Variants in IL10RB observed in about 807,000 individuals in gnomAD.
The protein encoded by IL10RB is interleukin-10 receptor subunit beta.
IL10RB carries 30 observed loss-of-function variants against 38.7 expected under a neutral mutation model. The observed-to-expected ratio is 0.78, with a 90% CI of 0.58 to 1.05. The LOEUF is 1.05. Ranked by LOEUF, IL10RB falls within the 50% of genes least tolerant of loss-of-function variation. The pLI is 0.00. For synonymous variants in IL10RB, 142 were observed against 145.9 expected (o/e 0.97, Z 0.19); for missense variants, 328 against 397.1 (o/e 0.83, Z 1.48).
rs1353340156 is a variant in IL10RB at position 33,296,714 on chromosome 21, G to A, written c.*357G>A. On this transcript the variant is annotated 3_prime_UTR_variant, in exon 7 of 7. Coordinates refer to ENST00000290200, the MANE Select transcript of IL10RB (RefSeq NM_000628.5). ...CTGTAATACCAGCACCTTAGAGGTC[G>A]AGGCAGGCGGATCACTTGAGGTCAG... 21 of 383,386 alleles carry A rather than the reference G, an allele frequency of 5.5e-5. No individual in the cohort carries two copies. Among genetic ancestry groups the A allele is most frequent in the Middle Eastern group, 8.8e-4 (1 of 1,142 alleles). 23.7% of individuals were successfully genotyped at this position (383,386 alleles called of 1,614,324 possible).
chr21:33,268,418 A>T lies in IL10RB; in HGVS notation c.74A>T (p.Glu25Val). The T allele has an allele frequency of 6.2e-7, 1 of 1,614,098 alleles. No homozygotes were observed. Among genetic ancestry groups the T allele is most frequent in the Non-Finnish European group, 8.5e-7 (1 of 1,179,884 alleles). Residue 25 changes from glutamate (E) to valine (V), a missense_variant, in exon 2 of 7, where the codon GAA (glutamate) becomes GTA (valine). Coordinates refer to ENST00000290200, the MANE Select transcript of IL10RB (RefSeq NM_000628.5). Reference sequence around the variant, plus strand: ...GCATTGGGAATGGTACCACCTCCCGAAAATGTCAGAATGAATTCTGTTAAT... The same window carrying T: ...GCATTGGGAATGGTACCACCTCCCGTAAATGTCAGAATGAATTCTGTTAAT... ...VSALGMVPPP[E>V]NVRMNSVNFK...
rs1316731866 is a variant in IL10RB at position 33,296,515 on chromosome 21, A to G, written c.*158A>G. The G allele has an allele frequency of 2.6e-6, 2 of 755,416 alleles. No homozygotes were observed. Among genetic ancestry groups the G allele is most frequent in the South Asian group, 1.5e-5 (1 of 68,330 alleles). 46.8% of individuals were successfully genotyped at this position (755,416 alleles called of 1,614,324 possible). ...CTGGACTTAGCCACCAGAGAGCTAC[A>G]TTTTAAAGGCTGTCTTGGCAAAAAT... On this transcript the variant is annotated 3_prime_UTR_variant, in exon 7 of 7. Coordinates refer to ENST00000290200, the MANE Select transcript of IL10RB (RefSeq NM_000628.5).
At chr21:33,303,669 A>T (rs1568915392) in intron 1 of IL10RB, among the ~76,000 whole-genome samples, 1 of 152,094 alleles carries the variant, frequency 6.6e-6, no homozygotes, top group Non-Finnish European at 1.5e-5. Flanking sequence ...TTATTGCTTC[A>T]ATTAGCCACT....
At chr21:33,290,310 T>G (rs888302767) in intron 6 of IL10RB, among the ~76,000 whole-genome samples, 3 of 151,400 alleles carry the variant, frequency 2.0e-5, no homozygotes, top group Non-Finnish European at 4.4e-5. Context: ...ATTTTAAAAT[T>G]TATATATATA....
At chr21:33,281,245 A>G (rs1989274548) in intron 4 of IL10RB, among the ~76,000 whole-genome samples, 2 of 152,226 alleles carry the variant, frequency 1.3e-5, no homozygotes, top group African/African-American at 4.8e-5. Flanking sequence ...TCTGATACTC[A>G]CAATCACTGA....
intron 6 of IL10RB, among the ~76,000 whole-genome samples, chr21:33,295,749 A>G (rs929809320): frequency 1.3e-5 from 2 of 151,772 alleles, no homozygotes; most frequent in African/African-American, 4.8e-5. Flanking sequence ...AAAAATAAAT[A>G]ATAAATCAAA....
At chr21:33,306,294 C>T (rs1343707833) in intron 1 of IL10RB, among the ~76,000 whole-genome samples, 2 of 152,192 alleles carry the variant, frequency 1.3e-5, no homozygotes, top group Admixed American at 6.5e-5. Flanking sequence ...AGATCCACAA[C>T]ATTGACATTT....
chr21:33,284,401 G>A lies in IL10RB; in HGVS notation c.646+1160G>A, dbSNP rs185524625. Among the ~76,000 whole-genome samples the A allele has an allele frequency of 1.1e-4, 17 of 152,078 alleles. No individual in the cohort carries two copies. The East Asian group carries it at 2.7e-3, about 24-fold the overall frequency. ...AACATTTTACAAAACAAAAGGGTAT[G>A]AGCCATTGAAAACCTGCTTTCATCA... is the stretch of plus-strand genomic sequence containing the variant. On this transcript the variant is annotated intron_variant, in intron 5 of 6. Coordinates refer to ENST00000290200, the MANE Select transcript of IL10RB (RefSeq NM_000628.5).
At chr21:33,293,511 C>T (rs1410518700) in intron 6 of IL10RB, among the ~76,000 whole-genome samples, 5 of 152,170 alleles carry the variant, frequency 3.3e-5, no homozygotes, top group African/African-American at 4.8e-5. Flanking sequence ...TGTTTCAGAG[C>T]GACTAGAACC....
At chr21:33,301,846 C>T (rs1330568872), downstream of IL10RB, among the ~76,000 whole-genome samples, 1 of 152,308 alleles carries the variant, frequency 6.6e-6, no homozygotes, top group Non-Finnish European at 1.5e-5. Flanking sequence ...GTGACAGAGC[C>T]AGGACTTGAA....
chr21:33,295,545 A>G (rs1349882567), intron 6 of IL10RB, among the ~76,000 whole-genome samples: 4 of 144,738 alleles, frequency 2.8e-5, no homozygotes, highest in Admixed American at 2.1e-4. Flanking sequence ...GGTGGCGGGC[A>G]CCTGTAGTCC....
chr21:33,268,537 T>C lies in IL10RB; in HGVS notation c.173+20T>C. 1.3e-6 allele frequency: 2 copies of C among 1,573,792 alleles called. No homozygotes were observed. Among genetic ancestry groups the C allele is most frequent in the Non-Finnish European group, 1.7e-6 (2 of 1,143,564 alleles). The stretch of plus-strand genomic sequence containing the variant: ...CCTAAGGTGGGTCTGGCCTCACTAT[T>C]GGCAGGAACGCACCGGAGGAGCCAG... On this transcript the variant is annotated intron_variant, in intron 2 of 6. Coordinates refer to ENST00000290200, the MANE Select transcript of IL10RB (RefSeq NM_000628.5).
At chr21:33,301,816 T>G (rs1196761788), downstream of IL10RB, among the ~76,000 whole-genome samples, 4 of 152,220 alleles carry the variant, frequency 2.6e-5, no homozygotes, top group Non-Finnish European at 4.4e-5. Flanking sequence ...ATCACTTACC[T>G]AAGATCACAC....
chr21:33,295,904 C>T (rs1358354145), intron 6 of IL10RB, among the ~76,000 whole-genome samples: 7 of 151,782 alleles, frequency 4.6e-5, no homozygotes, highest in Non-Finnish European at 8.8e-5. Context: ...AATTAGCTGG[C>T]GTGGTAGCAC....
At chr21:33,278,574 T>G (rs1989222416) in intron 3 of IL10RB, among the ~76,000 whole-genome samples, 1 of 152,142 alleles carries the variant, frequency 6.6e-6, no homozygotes, top group African/African-American at 2.4e-5. Context: ...GAAGTTCCCT[T>G]TAGAGCCTAG....
At chr21:33,292,632 C>T (rs865781384) in intron 6 of IL10RB, among the ~76,000 whole-genome samples, 3 of 152,120 alleles carry the variant, frequency 2.0e-5, no homozygotes, top group Non-Finnish European at 4.4e-5. Flanking sequence ...GACCCCATAG[C>T]GTCCCAGGAG....
At chr21:33,295,230 C>T (rs923654025) in intron 6 of IL10RB, among the ~76,000 whole-genome samples, 7 of 151,832 alleles carry the variant, frequency 4.6e-5, no homozygotes, top group South Asian at 2.1e-4. Flanking sequence ...AGGTGGTGGG[C>T]GCCTATAGTC....
Position 33,268,379 on chromosome 21 carries a change from G to T in IL10RB, c.50-15G>T. On this transcript the variant is annotated splice_polypyrimidine_tract_variant and intron_variant, in intron 1 of 6. Transcript: ENST00000290200. ...GAGGAGAAAAGTTGTAAATGTTTTT[G>T]TCTTATTTTCATAGCATTGGGAATG... 6.2e-7 allele frequency: 1 copy of T among 1,614,168 alleles called. No individual in the cohort carries two copies. Among genetic ancestry groups the T allele is most frequent in the Non-Finnish European group, 8.5e-7 (1 of 1,179,990 alleles).
chr21:33,269,131 T>G (rs1989029386), intron 2 of IL10RB, among the ~76,000 whole-genome samples: 1 of 152,218 alleles, frequency 6.6e-6, no homozygotes, highest in Admixed American at 6.5e-5. Flanking sequence ...AACCCCATTC[T>G]CGGACAACAG....
Sources: allele counts gnomAD v4.1 joint callset (sites outside exome capture counted in the v4.1 genomes callset), GRCh38; gene constraint gnomAD v4.1.1; transcripts MANE v1.5; gene names NCBI Gene and HGNC (gene_info 2026-07-23, HGNC 2026-07-21).